Variants in UNC5C observed in about 807,000 individuals in gnomAD.
UNC5C encodes the protein netrin receptor UNC5C.
A neutral mutation model predicts 99.8 loss-of-function variants in UNC5C; 47 were observed. That is an observed-to-expected ratio of 0.47 (90% CI 0.37 to 0.60). The LOEUF is 0.60. Ranked by LOEUF, UNC5C falls within the 20% of genes least tolerant of loss-of-function variation. The pLI is 0.00. For synonymous variants in UNC5C, 487 were observed against 452.2 expected, an observed-to-expected ratio of 1.08 and a Z score of -0.98; for missense variants, 1,062 against 1,165.9, an observed-to-expected ratio of 0.91 and a Z score of 1.30.
At chr4:95,187,517 A>ACAT in intron 12 of UNC5C, among the ~76,000 whole-genome samples, 1 of 152,298 alleles carries the variant, frequency 6.6e-6, no homozygotes, top group South Asian at 2.1e-4. Context: ...GGCAGGCAGG[A>ACAT]CATTGAAAAA....
chr4:95,181,327 CTG>C lies in UNC5C; in HGVS notation c.2451+1568_2451+1569del, dbSNP rs547477143. Among the ~76,000 whole-genome samples, 443 of 152,302 alleles carry C rather than the reference CTG, an allele frequency of 2.9e-3. 3 individuals are homozygous for C. The highest frequency in any genetic ancestry group is 9.8e-3 in the African/African-American group (409 of 41,570). Reference sequence around the variant, plus strand: ...TAAATTGTGATCACACTATGCAAAACTGTCCTTTTTCTGAAGGGAGGTGGCAG... The same window carrying C: ...TAAATTGTGATCACACTATGCAAAACTCCTTTTTCTGAAGGGAGGTGGCAG... On this transcript the variant is annotated intron_variant, in intron 14 of 15. Transcript: ENST00000453304.
intron 4 of UNC5C, among the ~76,000 whole-genome samples, chr4:95,277,177 A>G (rs1456309360): frequency 1.3e-5 from 2 of 152,206 alleles, no homozygotes; most frequent in Non-Finnish European, 2.9e-5. Context: ...CGTTTCAGAG[A>G]TAGGCACAAC....
intron 5 of UNC5C, among the ~76,000 whole-genome samples, chr4:95,249,500 G>A (rs779912914): frequency 6.6e-6 from 1 of 152,146 alleles, no homozygotes; most frequent in Non-Finnish European, 1.5e-5. Flanking sequence ...AATAATATGA[G>A]GAACTATTAG....
At position 95,357,531 on chromosome 4, in the gene UNC5C, C is replaced by T. The variant is rs1052056905; in HGVS notation, c.125-21900G>A. On this transcript the variant is annotated intron_variant, in intron 1 of 15. Transcript: ENST00000453304. ...GGCCTGTTGTCTCATGCCTGTAATC[C>T]CAGCACTTTGGGAGGCTGAGGCCAG... Among the ~76,000 whole-genome samples, 3 of 151,910 alleles carry T rather than the reference C, an allele frequency of 2.0e-5. No homozygotes were observed. The East Asian group carries it at 5.8e-4, about 29-fold the overall frequency.
intron 1 of UNC5C, among the ~76,000 whole-genome samples, chr4:95,431,785 A>T (rs928045418): frequency 6.6e-6 from 1 of 152,196 alleles, no homozygotes; most frequent in East Asian, 1.9e-4. Flanking sequence ...ATTTTAATTA[A>T]CCCCAATTTA....
At chr4:95,338,592 CA>C (rs1743435995) in intron 1 of UNC5C, among the ~76,000 whole-genome samples, 1 of 152,008 alleles carries the variant, frequency 6.6e-6, no homozygotes, top group South Asian at 2.1e-4. Context: ...TACCAATTTT[CA>C]AAAAACTTGA....
chr4:95,351,222 C>T (rs907107015), intron 1 of UNC5C, among the ~76,000 whole-genome samples: 1 of 152,054 alleles, frequency 6.6e-6, no homozygotes, highest in Non-Finnish European at 1.5e-5. Context: ...ACTTTTCTTC[C>T]CCATGAGATG....
chr4:95,526,388 C>T (rs1436973452), intron 1 of UNC5C, among the ~76,000 whole-genome samples: 1 of 152,008 alleles, frequency 6.6e-6, no homozygotes, highest in Non-Finnish European at 1.5e-5. Context: ...GATAGACAGA[C>T]ATGTAGGTTT....
At chr4:95,485,236 T>C (rs996562265) in intron 1 of UNC5C, among the ~76,000 whole-genome samples, 1 of 151,788 alleles carries the variant, frequency 6.6e-6, no homozygotes, top group Admixed American at 6.6e-5. Flanking sequence ...TAAACTGCCT[T>C]GGGAATTACC....
At chr4:95,484,238 G>C (rs1721261435) in intron 1 of UNC5C, among the ~76,000 whole-genome samples, 1 of 151,838 alleles carries the variant, frequency 6.6e-6, no homozygotes, top group Non-Finnish European at 1.5e-5. Flanking sequence ...TTTCCTCTGA[G>C]TGAAAAATGC....
At chr4:95,398,872 C>A (rs1003870093) in intron 1 of UNC5C, among the ~76,000 whole-genome samples, 4 of 152,000 alleles carry the variant, frequency 2.6e-5, no homozygotes, top group Admixed American at 2.0e-4. Flanking sequence ...CTGTAGAGAG[C>A]TTTTGGATAT....
Position 95,219,054 on chromosome 4 carries a change from C to T in UNC5C, c.1560G>A (p.Gln520=), listed in dbSNP as rs142206151. 1.1e-4 allele frequency: 171 copies of T among 1,614,192 alleles called. No homozygotes were observed. The highest frequency in any genetic ancestry group is 1.3e-4 in the Non-Finnish European group (153 of 1,180,036). The change falls in exon 9 of 16, where the codon CAG becomes CAA. Residue 520 remains glutamine, a synonymous_variant. Coordinates refer to ENST00000453304, the MANE Select transcript of UNC5C (RefSeq NM_003728.4). ...ATGGATCAGTCTGCCTTGCTAGACT[C>T]TGGTTCTTCAGGCTGAGGGCTTCAT... The part of the protein sequence containing the change: ...LENEALSLKN[Q]SLARQTDPSC...
chr4:95,257,189 G>C (rs188465691), intron 4 of UNC5C, among the ~76,000 whole-genome samples: 1 of 152,116 alleles, frequency 6.6e-6, no homozygotes, highest in East Asian at 1.9e-4. Context: ...CAGTGTCAGC[G>C]CTGAAGTCCT....
intron 1 of UNC5C, among the ~76,000 whole-genome samples, chr4:95,377,987 C>T (rs1744946598): frequency 6.6e-6 from 1 of 152,136 alleles, no homozygotes; most frequent in South Asian, 2.1e-4. Context: ...CTTCCCCACC[C>T]TCCTTCCAAT....
intron 14 of UNC5C, 80 bp downstream of exon 14, chr4:95,182,817 A>AT (rs2149350459): frequency 6.8e-7 from 1 of 1,477,480 alleles, no homozygotes; most frequent in Admixed American, 1.9e-5. Context: ...GACTATGTTG[A>AT]GATACCCTTT....
At chr4:95,472,677 A>G (rs1748011522) in intron 1 of UNC5C, among the ~76,000 whole-genome samples, 1 of 152,084 alleles carries the variant, frequency 6.6e-6, no homozygotes, top group Non-Finnish European at 1.5e-5. Context: ...GACACTGAGT[A>G]ATAGCACATT....
rs376934295 is a variant in UNC5C at position 95,196,757 on chromosome 4, A to ATATATT, written c.2136+5973_2136+5974insAATATA. 8.1e-4 allele frequency among the ~76,000 whole-genome samples: 7 copies of ATATATT among 8,600 alleles called. 1 individual carries two copies. Among genetic ancestry groups the ATATATT allele is most frequent in the East Asian group, 1.6e-3 (1 of 608 alleles). The allele number at this position is 8,600 out of a possible 152,430, so 5.6% of individuals were successfully genotyped here. On this transcript the variant is annotated intron_variant, in intron 12 of 15. Transcript: ENST00000453304. ...ATATTATATTTATGTAATATATAAT[A>ATATATT]TATATATTATATTTATGTAATATAT...
chr4:95,421,386 T>C (rs1009223258), intron 1 of UNC5C, among the ~76,000 whole-genome samples: 1 of 152,160 alleles, frequency 6.6e-6, no homozygotes, highest in Non-Finnish European at 1.5e-5. Context: ...CTAGGATACA[T>C]CTATTTTTCA....
At chr4:95,253,166 A>T (rs1444760912) in intron 4 of UNC5C, among the ~76,000 whole-genome samples, 1 of 152,020 alleles carries the variant, frequency 6.6e-6, no homozygotes, top group East Asian at 1.9e-4. Context: ...GCACTTTCTT[A>T]AAAAACTACT....
Sources: allele counts gnomAD v4.1 joint callset (sites outside exome capture counted in the v4.1 genomes callset), GRCh38; gene constraint gnomAD v4.1.1; transcripts MANE v1.5; gene names NCBI Gene and HGNC (gene_info 2026-07-23, HGNC 2026-07-21).